The following SDK1 variants were observed in gnomAD, a reference collection of about 807,000 sequenced individuals.
The protein encoded by SDK1 is protein sidekick-1.
A neutral mutation model predicts 245.5 loss-of-function variants in SDK1; 157 were observed. The observed-to-expected ratio is 0.64, with a 90% CI of 0.56 to 0.73. The LOEUF (loss-of-function observed/expected upper bound fraction) is 0.73, where lower values mean the gene tolerates loss of function less well. Among genes scored for constraint, SDK1 ranks in the 30% least tolerant of loss-of-function variants. The pLI, the probability that SDK1 is intolerant of heterozygous loss-of-function variation, is 0.00. For missense variants in SDK1, 3,583 were observed against 3,002.3 expected (o/e 1.19, Z -4.52); for synonymous variants, 1,647 against 1,278.5 (o/e 1.29, Z -6.15).
intron 40 of SDK1, 38 bp from the exon 41 acceptor site, chr7:4,233,217 T>A (rs1372246199): frequency 6.3e-7 from 1 of 1,597,300 alleles, no homozygotes; most frequent in Non-Finnish European, 8.6e-7. Flanking sequence ...GACTTCGCAC[T>A]TCTAACCTCT....
At chr7:4,192,009 A>T (rs1365365041) in intron 35 of SDK1, among the ~76,000 whole-genome samples, 1 of 152,136 alleles carries the variant, frequency 6.6e-6, no homozygotes, top group Non-Finnish European at 1.5e-5. Flanking sequence ...CTCTCCAGCC[A>T]CACTCTCTTC....
At position 3,703,082 on chromosome 7, in the gene SDK1, T is replaced by A. The variant is rs113490176; in HGVS notation, c.713+60977T>A. Among the ~76,000 whole-genome samples the A allele has an allele frequency of 4.4e-3, 591 of 134,618 alleles. 4 individuals are homozygous for A. Among genetic ancestry groups the A allele is most frequent in the Middle Eastern group, 9.1e-3 (2 of 220 alleles). 88.3% of individuals were successfully genotyped at this position (134,618 alleles called of 152,430 possible). A position where few individuals can be genotyped will look rare whatever the true frequency, so the allele number is the denominator to read the frequency against. ...TCTCAAAAAAAAAAAAAAAAAAAAA[T>A]GTATGCCGACGATACGACTTAGTTC... On this transcript the variant is annotated intron_variant, in intron 4 of 44. Transcript: ENST00000404826.
chr7:3,791,095 A>G (rs1781067698), intron 4 of SDK1, among the ~76,000 whole-genome samples: 1 of 152,020 alleles, frequency 6.6e-6, no homozygotes, highest in Non-Finnish European at 1.5e-5. Flanking sequence ...AAATTATTTA[A>G]TACTCTTAAA....
At chr7:3,540,496 G>T (rs1020209195) in intron 1 of SDK1, among the ~76,000 whole-genome samples, 1 of 152,178 alleles carries the variant, frequency 6.6e-6, no homozygotes, top group African/African-American at 2.4e-5. Flanking sequence ...AGACTGAAAA[G>T]GCGCAGTTAA....
intron 1 of SDK1, among the ~76,000 whole-genome samples, chr7:3,408,930 G>T (rs985505440): frequency 6.6e-6 from 1 of 152,174 alleles, no homozygotes; most frequent in Non-Finnish European, 1.5e-5. Context: ...CTGATGTACA[G>T]TTCTTATTGC....
intron 7 of SDK1, among the ~76,000 whole-genome samples, chr7:3,957,344 G>A: frequency 6.6e-6 from 1 of 152,182 alleles, no homozygotes; most frequent in East Asian, 1.9e-4. Context: ...ATCAGTAGCA[G>A]TATCCTGATC....
Position 3,504,104 on chromosome 7 carries a change from C to T in SDK1, c.299-114976C>T, listed in dbSNP as rs185844665. On this transcript the variant is annotated intron_variant, in intron 1 of 44. Coordinates refer to ENST00000404826, the MANE Select transcript of SDK1 (RefSeq NM_152744.4). Reference sequence around the variant, plus strand: ...GGCAGAGGTTGTAGTGAGCCAAGATCGCGCCATTGCACTCCAGCCTGGGCA... The same window carrying T: ...GGCAGAGGTTGTAGTGAGCCAAGATTGCGCCATTGCACTCCAGCCTGGGCA... Among the ~76,000 whole-genome samples, 55 of 151,336 alleles carry T rather than the reference C, an allele frequency of 3.6e-4. 1 individual carries two copies. Among genetic ancestry groups the T allele is most frequent in the African/African-American group, 5.3e-4 (22 of 41,210 alleles).
intron 40 of SDK1, among the ~76,000 whole-genome samples, chr7:4,228,943 A>G (rs1013386239): frequency 2.0e-5 from 3 of 152,194 alleles, no homozygotes; most frequent in African/African-American, 7.2e-5. Context: ...GTGATTGACA[A>G]GTGGCTGACT....
In SDK1 at chr7:4,194,458, A is replaced by ATATG. The variant is rs1554257368; in HGVS notation, c.5099-11420_5099-11419insATGT. Among the ~76,000 whole-genome samples the ATATG allele has an allele frequency of 1.8e-4, 11 of 62,152 alleles. 2 individuals are homozygous for ATATG. In the South Asian group the frequency reaches 5.8e-3, roughly 33 times the overall value. 40.8% of individuals were successfully genotyped at this position (62,152 alleles called of 152,430 possible). On this transcript the variant is annotated intron_variant, in intron 35 of 44. Coordinates refer to ENST00000404826, the MANE Select transcript of SDK1 (RefSeq NM_152744.4). Reference sequence around the variant, plus strand: ...TATACATATATGTATACATGTATATATGTGTGTGTGTATATATATACTCCC... The same window carrying ATATG: ...TATACATATATGTATACATGTATATATATGTGTGTGTGTGTATATATATACTCCC...
chr7:3,950,690 GC>G (rs1780772611), intron 5 of SDK1, among the ~76,000 whole-genome samples: 1 of 152,148 alleles, frequency 6.6e-6, no homozygotes, highest in African/African-American at 2.4e-5. Context: ...CGCTTTTGTA[GC>G]CCCGTTGTAA....
At chr7:4,010,677 G>T (rs1200045328) in intron 14 of SDK1, among the ~76,000 whole-genome samples, 1 of 152,170 alleles carries the variant, frequency 6.6e-6, no homozygotes, top group Admixed American at 6.5e-5. Flanking sequence ...CTGAACACAG[G>T]AATTAGGGAC....
At chr7:3,411,212 T>C (rs1779190456) in intron 1 of SDK1, among the ~76,000 whole-genome samples, 1 of 152,064 alleles carries the variant, frequency 6.6e-6, no homozygotes. Flanking sequence ...GGAAGAATCA[T>C]GTAGTTTCTG....
chr7:3,904,790 G>T (rs575182057), intron 5 of SDK1, among the ~76,000 whole-genome samples: 3 of 152,016 alleles, frequency 2.0e-5, no homozygotes, highest in African/African-American at 4.8e-5. Flanking sequence ...TCAGGAGATC[G>T]AGACCATCCT....
intron 4 of SDK1, among the ~76,000 whole-genome samples, chr7:3,695,347 G>T (rs1304898463): frequency 6.6e-6 from 1 of 152,112 alleles, no homozygotes. Flanking sequence ...GATGCTCATC[G>T]TAGTATACAA....
chr7:3,655,188 C>T (rs898602691), intron 4 of SDK1, among the ~76,000 whole-genome samples: 18 of 151,394 alleles, frequency 1.2e-4, no homozygotes, highest in Admixed American at 2.0e-4. Context: ...AATCCCAGCA[C>T]TTTGGGAGGC....
intron 1 of SDK1, among the ~76,000 whole-genome samples, chr7:3,507,252 C>T (rs915755488): frequency 2.6e-5 from 4 of 151,970 alleles, no homozygotes; most frequent in Non-Finnish European, 5.9e-5. Flanking sequence ...CTCTTGAAAT[C>T]TCACCCTACA....
chr7:4,099,953 A>C (rs1023203790), intron 22 of SDK1, among the ~76,000 whole-genome samples: 4 of 151,938 alleles, frequency 2.6e-5, no homozygotes, highest in African/African-American at 9.7e-5. Context: ...CTTTAGGGTG[A>C]CCACTGTGGT....
intron 17 of SDK1, among the ~76,000 whole-genome samples, chr7:4,023,065 C>G (rs940246912): frequency 6.6e-6 from 1 of 152,160 alleles, no homozygotes; most frequent in African/African-American, 2.4e-5. Context: ...TGAGCCAACA[C>G]GCCCGGCCCT....
chr7:3,477,189 CT>C (rs35328849), intron 1 of SDK1, among the ~76,000 whole-genome samples: 896 of 78,572 alleles, frequency 0.011, 2 homozygotes, highest in African/African-American at 0.042. Flanking sequence ...TGGTTTTCTC[CT>C]TTTTTTTTTT....
Sources: allele counts gnomAD v4.1 joint callset (sites outside exome capture counted in the v4.1 genomes callset), GRCh38; gene constraint gnomAD v4.1.1; transcripts MANE v1.5; gene names NCBI Gene and HGNC (gene_info 2026-07-23, HGNC 2026-07-21).